Variants in AGBL4 observed in about 807,000 individuals in gnomAD.
AGBL4 encodes the protein cytosolic carboxypeptidase 6.
AGBL4 carries 58 observed loss-of-function variants against 66.4 expected under a neutral mutation model. The observed-to-expected ratio is 0.87, with a 90% CI of 0.71 to 1.09. The LOEUF (loss-of-function observed/expected upper bound fraction) is 1.09. Ranked by LOEUF, AGBL4 falls within the 50% of genes least tolerant of loss-of-function variation. The pLI, the probability that AGBL4 is intolerant of heterozygous loss-of-function variation, is 0.00. For synonymous variants in AGBL4, 234 were observed against 222.9 expected (o/e 1.05, Z -0.44); for missense variants, 579 against 631.0 (o/e 0.92, Z 0.88).
In AGBL4 at chr1:49,740,214, G is replaced by T. The variant is rs558133501; in HGVS notation, c.158-42777C>A. ...AAAGGGATGGAGGAAGATCTACCAA[G>T]CAAATGGAAAACAAAAAAAGGCAGG... On this transcript the variant is annotated intron_variant, in intron 2 of 13. Transcript: ENST00000371839. 5.9e-4 allele frequency among the ~76,000 whole-genome samples: 89 copies of T among 152,090 alleles called. 1 individual carries two copies. Among genetic ancestry groups the T allele is most frequent in the African/African-American group, 1.9e-3 (80 of 41,482 alleles).
intron 1 of AGBL4, among the ~76,000 whole-genome samples, chr1:49,955,239 C>A (rs536244305): frequency 1.3e-5 from 2 of 151,950 alleles, no homozygotes; most frequent in East Asian, 3.9e-4. Context: ...ATATTCTTGG[C>A]CATCTAGATT....
At chr1:49,846,099 G>A (rs1048768339) in intron 2 of AGBL4, 20 of 1,532,990 alleles carry the variant, frequency 1.3e-5, no homozygotes, top group Non-Finnish European at 1.5e-5. Context: ...TGTAACCAGT[G>A]TAGCCAGAGC....
At chr1:50,009,716 C>G (rs1448887687) in intron 1 of AGBL4, among the ~76,000 whole-genome samples, 1 of 149,846 alleles carries the variant, frequency 6.7e-6, no homozygotes, top group East Asian at 1.9e-4. Context: ...AGGAAGAAGT[C>G]GAATTATTAT....
At chr1:49,342,550 C>G (rs1335580873) in intron 3 of AGBL4, among the ~76,000 whole-genome samples, 1 of 152,120 alleles carries the variant, frequency 6.6e-6, no homozygotes, top group Non-Finnish European at 1.5e-5. Context: ...AGGAATTTTG[C>G]AGTTCATGTC....
At chr1:48,938,233 C>T (rs1342938353) in intron 5 of AGBL4, among the ~76,000 whole-genome samples, 2 of 152,198 alleles carry the variant, frequency 1.3e-5, no homozygotes, top group Non-Finnish European at 2.9e-5. Flanking sequence ...TGGCACATAA[C>T]TCAATCATCT....
chr1:48,691,871 A>G (rs1295950980), intron 6 of AGBL4, among the ~76,000 whole-genome samples: 1 of 152,062 alleles, frequency 6.6e-6, no homozygotes, highest in African/African-American at 2.4e-5. Flanking sequence ...GAGCCCCACA[A>G]AAGCCCGTGC....
At position 49,940,618 on chromosome 1, in the gene AGBL4, G is replaced by A. The variant is rs537880028; in HGVS notation, c.34+83145C>T. ...TCACAAGAACAAAAACCCAAACACC[G>A]CATGTTCTCACTCATAGGTGGGAAT... On this transcript the variant is annotated intron_variant, in intron 1 of 13. Transcript: ENST00000371839. Among the ~76,000 whole-genome samples the A allele has an allele frequency of 2.2e-3, 340 of 151,902 alleles. 1 individual carries two copies. The highest frequency in any genetic ancestry group is 7.3e-3 in the African/African-American group (304 of 41,398).
chr1:49,936,056 T>A (rs1051548902), intron 1 of AGBL4, among the ~76,000 whole-genome samples: 1 of 152,070 alleles, frequency 6.6e-6, no homozygotes. Flanking sequence ...AGGAGGAAAT[T>A]CAAACCAAAG....
intron 4 of AGBL4, among the ~76,000 whole-genome samples, chr1:49,104,011 G>A (rs1645249882): frequency 6.6e-6 from 1 of 152,116 alleles, no homozygotes; most frequent in Non-Finnish European, 1.5e-5. Context: ...ACCGACTCAT[G>A]TTCAGCCTAT....
At chr1:49,912,822 C>A (rs1014428847) in intron 1 of AGBL4, among the ~76,000 whole-genome samples, 2 of 152,062 alleles carry the variant, frequency 1.3e-5, no homozygotes, top group Admixed American at 6.6e-5. Flanking sequence ...GATAATTCCA[C>A]AACAAAAGGC....
chr1:48,829,770 T>C (rs780872615), intron 6 of AGBL4, among the ~76,000 whole-genome samples: 1 of 152,182 alleles, frequency 6.6e-6, no homozygotes, highest in Non-Finnish European at 1.5e-5. Context: ...CTTAAAATTA[T>C]GGAAATTGTT....
chr1:48,926,424 C>T (rs895981245), intron 5 of AGBL4, among the ~76,000 whole-genome samples: 6 of 151,342 alleles, frequency 4.0e-5, no homozygotes, highest in Admixed American at 6.6e-5. Flanking sequence ...GGATTACAGG[C>T]GTGGAACACC....
At chr1:49,623,463 T>C (rs945622383) in intron 3 of AGBL4, among the ~76,000 whole-genome samples, 7 of 152,244 alleles carry the variant, frequency 4.6e-5, no homozygotes, top group Non-Finnish European at 1.0e-4. Flanking sequence ...TCCTGGCATT[T>C]TAACCCTTTA....
At chr1:49,948,812 C>A (rs1294528708) in intron 1 of AGBL4, among the ~76,000 whole-genome samples, 1 of 151,386 alleles carries the variant, frequency 6.6e-6, no homozygotes, top group African/African-American at 2.4e-5. Context: ...ATATCACCAT[C>A]ATTTTTCACG....
chr1:49,205,940 C>T (rs1391245666), intron 4 of AGBL4, among the ~76,000 whole-genome samples: 3 of 152,144 alleles, frequency 2.0e-5, no homozygotes, highest in Non-Finnish European at 4.4e-5. Flanking sequence ...TTCTCCTAAT[C>T]TTTGCTCTGA....
intron 3 of AGBL4, among the ~76,000 whole-genome samples, chr1:49,596,924 A>G (rs1644863960): frequency 6.6e-6 from 1 of 152,246 alleles, no homozygotes; most frequent in Non-Finnish European, 1.5e-5. Flanking sequence ...CGAGTGTTCA[A>G]TAGCAAGCAA....
intron 9 of AGBL4, among the ~76,000 whole-genome samples, chr1:48,626,443 A>AT (rs1477318106): frequency 1.3e-5 from 2 of 152,222 alleles, no homozygotes; most frequent in Non-Finnish European, 2.9e-5. Flanking sequence ...AAGCACTTTC[A>AT]TTAAGCATCC....
intron 5 of AGBL4, among the ~76,000 whole-genome samples, chr1:48,991,997 T>G (rs1660639903): frequency 6.6e-6 from 1 of 152,212 alleles, no homozygotes; most frequent in African/African-American, 2.4e-5. Flanking sequence ...GTGTCTTATT[T>G]GGTTCATTTG....
chr1:48,902,749 A>C (rs11205568), intron 5 of AGBL4, among the ~76,000 whole-genome samples: 74,158 of 151,806 alleles, frequency 0.49, 21,668 homozygotes, highest in Non-Finnish European at 0.67. Flanking sequence ...ATCTTCTCAT[A>C]TCTAGATTTG....
Sources: gnomAD v4.1 joint callset for allele counts (sites outside exome capture counted in the v4.1 genomes callset) on GRCh38, gnomAD v4.1.1 for gene constraint, MANE v1.5 for transcripts, NCBI Gene and HGNC (gene_info 2026-07-23, HGNC 2026-07-21) for gene names.